Variants in IGF2BP2 observed in about 807,000 individuals in gnomAD.
The protein encoded by IGF2BP2 is insulin-like growth factor 2 mRNA-binding protein 2.
In IGF2BP2, 17 loss-of-function variants were observed where a neutral mutation model predicts 75.8. The observed-to-expected ratio is 0.22, with a 90% CI of 0.15 to 0.34. The LOEUF is 0.34. Ranked by LOEUF, IGF2BP2 falls within the 10% of genes least tolerant of loss-of-function variation. The probability of loss-of-function intolerance (pLI) is 1.00; values close to 1 mark genes in which losing one functional copy is unlikely to be tolerated. For synonymous variants in IGF2BP2, 288 were observed against 295.6 expected (o/e 0.97, Z 0.26); for missense variants, 516 against 772.4 (o/e 0.67, Z 3.93).
intron 3 of IGF2BP2, 115 bp from the exon 4 acceptor site, chr3:185,696,778 T>A (rs1722635723): frequency 1.2e-6 from 1 of 837,114 alleles, no homozygotes; most frequent in East Asian, 2.5e-5. Flanking sequence ...GTTATAGGAA[T>A]AATCTAATTA....
chr3:185,791,483 T>C (rs1736634896), intron 2 of IGF2BP2, among the ~76,000 whole-genome samples: 1 of 152,252 alleles, frequency 6.6e-6, no homozygotes, highest in Non-Finnish European at 1.5e-5. Context: ...TAAAAGTTTT[T>C]CTTTCTTCAA....
Position 185,762,937 on chromosome 3 carries a change from ATACT to A in IGF2BP2, c.239+60212_239+60215del, listed in dbSNP as rs565495581. 2.7e-3 allele frequency among the ~76,000 whole-genome samples: 410 copies of A among 152,330 alleles called. 3 individuals carry two copies. Among genetic ancestry groups the A allele is most frequent in the Non-Finnish European group, 4.6e-3 (314 of 68,040 alleles). Reference sequence around the variant, plus strand: ...TTTTCAACAATATGAGAAGAGCAAAATACTTACTTTTTATTTGTTAAGAAGGTTT... The same window carrying A: ...TTTTCAACAATATGAGAAGAGCAAAATACTTTTTATTTGTTAAGAAGGTTT... On this transcript the variant is annotated intron_variant, in intron 2 of 15. Transcript: ENST00000382199.
chr3:185,757,360 A>C (rs1206351105), intron 2 of IGF2BP2, among the ~76,000 whole-genome samples: 5 of 152,164 alleles, frequency 3.3e-5, no homozygotes, highest in Non-Finnish European at 5.9e-5. Context: ...TGGTGAAAAA[A>C]ACTCCACACA....
intron 2 of IGF2BP2, among the ~76,000 whole-genome samples, chr3:185,802,297 G>GTGTTCTTGACTAACCAAGACA (rs11269661): frequency 0.38 from 57,946 of 150,574 alleles, 12,050 homozygotes; most frequent in African/African-American, 0.56. Flanking sequence ...AACACATGAA[G>GTGTTCTTGACTAACCAAGACA]TGTTCTTGAC....
chr3:185,694,985 G>A (rs1722397821), intron 4 of IGF2BP2, among the ~76,000 whole-genome samples: 1 of 152,128 alleles, frequency 6.6e-6, no homozygotes, highest in African/African-American at 2.4e-5. Flanking sequence ...TACTAGGGAG[G>A]CTGAGGCACA....
At chr3:185,777,074 T>C (rs1485218211) in intron 2 of IGF2BP2, among the ~76,000 whole-genome samples, 1 of 152,172 alleles carries the variant, frequency 6.6e-6, no homozygotes, top group Non-Finnish European at 1.5e-5. Context: ...GCTCTGAGCT[T>C]CCTAGTGGCC....
chr3:185,711,322 C>T (rs1465916598), intron 2 of IGF2BP2, among the ~76,000 whole-genome samples: 3 of 152,236 alleles, frequency 2.0e-5, no homozygotes, highest in East Asian at 1.9e-4. Context: ...TATCCCTGCA[C>T]ACCCACAGCT....
At chr3:185,657,229 G>C in intron 12 of IGF2BP2, 57 bp downstream of exon 12, 1 of 1,175,538 alleles carries the variant, frequency 8.5e-7, no homozygotes, top group Non-Finnish European at 1.3e-6. Context: ...GGGAACAAGG[G>C]CCGTGGGATG....
At chr3:185,708,766 C>T (rs1724402715) in intron 2 of IGF2BP2, among the ~76,000 whole-genome samples, 1 of 152,106 alleles carries the variant, frequency 6.6e-6, no homozygotes, top group South Asian at 2.1e-4. Flanking sequence ...TCCCAGACAG[C>T]TAGACAAAGT....
intron 2 of IGF2BP2, among the ~76,000 whole-genome samples, chr3:185,802,577 T>C (rs1738428384): frequency 6.6e-6 from 1 of 152,230 alleles, no homozygotes; most frequent in Admixed American, 6.5e-5. Context: ...TTACTGGGTC[T>C]TGAGAACATT....
At chr3:185,648,646 C>T (rs1049795798) in intron 14 of IGF2BP2, among the ~76,000 whole-genome samples, 2 of 152,156 alleles carry the variant, frequency 1.3e-5, no homozygotes, top group Non-Finnish European at 2.9e-5. Flanking sequence ...CATCTCCCCA[C>T]CCAGGTCAGT....
chr3:185,721,390 C>T (rs577980682), intron 2 of IGF2BP2, among the ~76,000 whole-genome samples: 4 of 151,954 alleles, frequency 2.6e-5, no homozygotes, highest in East Asian at 1.9e-4. Context: ...CTAGTAGAGA[C>T]GGGGTTTTAC....
chr3:185,722,244 AT>A (rs1490558460), intron 2 of IGF2BP2: 1 of 456,164 alleles, frequency 2.2e-6, no homozygotes, highest in Non-Finnish European at 4.4e-6. Flanking sequence ...GCAAGTGTTT[AT>A]CCCCATTCCA....
chr3:185,689,698 G>C (rs1207352656), intron 5 of IGF2BP2, 71 bp from the exon 6 acceptor site: 5 of 1,580,958 alleles, frequency 3.2e-6, no homozygotes, highest in Non-Finnish European at 4.3e-6. Flanking sequence ...GCCGGGCGCG[G>C]TGGCTCACGC....
chr3:185,706,822 CCTT>C (rs1187914894), intron 2 of IGF2BP2, among the ~76,000 whole-genome samples: 1 of 151,200 alleles, frequency 6.6e-6, no homozygotes, highest in Non-Finnish European at 1.5e-5. Context: ...CTTACTGCAG[CCTT>C]GGTGTCCTGG....
chr3:185,771,146 A>G (rs1393170081), intron 2 of IGF2BP2, among the ~76,000 whole-genome samples: 1 of 152,224 alleles, frequency 6.6e-6, no homozygotes, highest in Non-Finnish European at 1.5e-5. Flanking sequence ...AAACTTGAAA[A>G]GAGCCTAAAT....
At chr3:185,725,836 G>C (rs528498640) in intron 2 of IGF2BP2, among the ~76,000 whole-genome samples, 75 of 152,198 alleles carry the variant, frequency 4.9e-4, no homozygotes, top group African/African-American at 1.6e-3. Context: ...AATTAGTCGG[G>C]CATGTGTGCT....
intron 2 of IGF2BP2, among the ~76,000 whole-genome samples, chr3:185,749,993 C>G (rs1019662488): frequency 1.3e-5 from 2 of 152,206 alleles, no homozygotes; most frequent in South Asian, 2.1e-4. Flanking sequence ...TAGGTAAGGA[C>G]TATCTCCTAG....
intron 2 of IGF2BP2, chr3:185,713,382 G>A (rs781226997): frequency 1.9e-6 from 1 of 519,556 alleles, no homozygotes; most frequent in Non-Finnish European, 3.9e-6. Context: ...GAAAACTTAA[G>A]GCATGGCACA....
Sources: gnomAD v4.1 joint callset for allele counts (sites outside exome capture counted in the v4.1 genomes callset) on GRCh38, gnomAD v4.1.1 for gene constraint, MANE v1.5 for transcripts, NCBI Gene and HGNC (gene_info 2026-07-23, HGNC 2026-07-21) for gene names.